Variants in NUP98 observed in about 807,000 individuals in gnomAD.
NUP98 encodes nuclear pore complex protein Nup98-Nup96.
Under a neutral mutation model 191.9 loss-of-function variants are expected in NUP98, and 26 were observed. The observed-to-expected ratio is 0.14, with a 90% CI of 0.10 to 0.19. The LOEUF (loss-of-function observed/expected upper bound fraction) is 0.19, where lower values mean the gene tolerates loss of function less well. NUP98 is among the 10% of genes least tolerant of loss of function. NUP98 has a pLI of 1.00. For synonymous variants in NUP98, 808 were observed against 778.4 expected, an observed-to-expected ratio of 1.04 and a Z score of -0.63; for missense variants, 1,941 against 2,178.8, an observed-to-expected ratio of 0.89 and a Z score of 2.17.
At chr11:3,744,674 A>C (rs2134380362) in intron 11 of NUP98, 25 bp from the exon 12 acceptor site, 4 of 1,587,036 alleles carry the variant, frequency 2.5e-6, no homozygotes, top group South Asian at 1.2e-5. Flanking sequence ...GGAAAGAAAA[A>C]AGCACCACAG....
At chr11:3,688,841 A>T (rs1475912274) in intron 28 of NUP98, among the ~76,000 whole-genome samples, 1 of 137,560 alleles carries the variant, frequency 7.3e-6, no homozygotes, top group Non-Finnish European at 1.6e-5. Flanking sequence ...ATATATATAT[A>T]TTTATAAGAA....
intron 1 of NUP98, among the ~76,000 whole-genome samples, chr11:3,788,464 G>A (rs1489180608): frequency 6.6e-6 from 1 of 152,070 alleles, no homozygotes; most frequent in Non-Finnish European, 1.5e-5. Flanking sequence ...TAGCCTACAT[G>A]CCTGTAATCC....
chr11:3,724,671 T>C (rs1301459808), intron 15 of NUP98, among the ~76,000 whole-genome samples: 1 of 149,870 alleles, frequency 6.7e-6, no homozygotes, highest in East Asian at 2.0e-4. Context: ...CGGGTGCCTG[T>C]ATTCCCAGCT....
At chr11:3,706,132 C>T (rs1372019300) in intron 21 of NUP98, among the ~76,000 whole-genome samples, 1 of 151,918 alleles carries the variant, frequency 6.6e-6, no homozygotes, top group Non-Finnish European at 1.5e-5. Context: ...TCACACCACT[C>T]CACTCCAGCC....
chr11:3,711,282 CT>C (rs1564830758), intron 20 of NUP98, among the ~76,000 whole-genome samples: 1 of 152,074 alleles, frequency 6.6e-6, no homozygotes, highest in Non-Finnish European at 1.5e-5. Context: ...CTTACTACCT[CT>C]TTTTGCTAGA....
intron 12 of NUP98, among the ~76,000 whole-genome samples, chr11:3,735,849 G>A (rs2080034523): frequency 6.6e-6 from 1 of 150,724 alleles, no homozygotes; most frequent in African/African-American, 2.4e-5. Flanking sequence ...GTGTGTGTGT[G>A]CGTGCGTGTA....
intron 13 of NUP98, among the ~76,000 whole-genome samples, chr11:3,733,825 T>C (rs1223979145): frequency 1.3e-5 from 2 of 152,218 alleles, no homozygotes; most frequent in Non-Finnish European, 2.9e-5. Context: ...TGTCACTGGA[T>C]AGCAACCTTA....
chr11:3,704,987 A>G (rs2078816241), intron 22 of NUP98, among the ~76,000 whole-genome samples: 1 of 152,252 alleles, frequency 6.6e-6, no homozygotes, highest in Non-Finnish European at 1.5e-5. Flanking sequence ...CAGTCTGTGC[A>G]ACAGAGAGAG....
rs1164290505 is a variant in NUP98, at chr11:3,693,390, A to G, written c.4168-15T>C. On this transcript the variant is annotated splice_polypyrimidine_tract_variant and intron_variant, in intron 26 of 32. Transcript: ENST00000324932. ...AGCTGCCACACCTGTGCGAAACAAA[A>G]TCATCACCATGGCTATATTCTACCT... 12 of 1,613,754 alleles carry G rather than the reference A, an allele frequency of 7.4e-6. No individual in the cohort carries two copies. The highest frequency in any genetic ancestry group is 9.3e-6 in the Non-Finnish European group (11 of 1,179,728).
chr11:3,720,878 G>C lies in NUP98; in HGVS notation c.2147-53C>G, dbSNP rs1207029048. 4.1e-6 allele frequency: 3 copies of C among 726,330 alleles called. No individual in the cohort carries two copies. In the East Asian group the frequency reaches 8.4e-5, roughly 20 times the overall value. 45.0% of individuals were successfully genotyped at this position (726,330 alleles called of 1,614,324 possible). A position where few individuals can be genotyped will look rare whatever the true frequency, so the allele number is the denominator to read the frequency against. Reference sequence around the variant, plus strand: ...AAAAAAAAATAACCTGAAATAATCAGCAACTAAATCATCATATAAAGAGAA... The same window carrying C: ...AAAAAAAAATAACCTGAAATAATCACCAACTAAATCATCATATAAAGAGAA... On this transcript the variant is annotated intron_variant, in intron 16 of 32. Coordinates refer to ENST00000324932, the MANE Select transcript of NUP98 (RefSeq NM_016320.5).
intron 23 of NUP98, 93 bp downstream of exon 23, chr11:3,702,352 CTCTCTCTCTCTCTCTCTA>C: frequency 4.9e-6 from 3 of 616,878 alleles, no homozygotes; most frequent in East Asian, 3.0e-5. Flanking sequence ...CTCTCTCTCT[CTCTCTCTCTCTCTCTCTA>C]GAAAGATGAC....
chr11:3,785,991 T>G (rs941205834), intron 1 of NUP98, among the ~76,000 whole-genome samples: 2 of 152,122 alleles, frequency 1.3e-5, no homozygotes, highest in South Asian at 2.1e-4. Context: ...AAGATAACAT[T>G]TGAGTTTTTA....
intron 28 of NUP98, among the ~76,000 whole-genome samples, chr11:3,686,709 C>A (rs552264443): frequency 6.6e-6 from 1 of 152,090 alleles, no homozygotes; most frequent in African/African-American, 2.4e-5. Flanking sequence ...TAGAGCAAGG[C>A]GCGGTGGCTC....
intron 10 of NUP98, 65 bp downstream of exon 10, chr11:3,760,473 GC>G (rs2081127582): frequency 1.2e-6 from 2 of 1,612,914 alleles, no homozygotes; most frequent in African/African-American, 2.7e-5. Flanking sequence ...AGCCAAACCT[GC>G]TTTTTATATG....
At position 3,782,167 on chromosome 11, in the gene NUP98, C is replaced by T. The variant is rs1359230097; in HGVS notation, c.-28-22G>A. The T allele has an allele frequency of 1.7e-5, 23 of 1,332,750 alleles. 1 individual carries two copies. Among genetic ancestry groups the T allele is most frequent in the South Asian group, 2.4e-5 (2 of 81,908 alleles). The allele number at this position is 1,332,750 out of a possible 1,614,324, so 82.6% of individuals were successfully genotyped here. On this transcript the variant is annotated intron_variant, in intron 1 of 32. Transcript: ENST00000324932. ...AAAGCTGGGAAAAAGAAAACATTAT[C>T]ACTCTCTTAAAGACCACAAAATGGA...
At chr11:3,792,068 AC>A (rs995042860) in intron 1 of NUP98, among the ~76,000 whole-genome samples, 7 of 147,856 alleles carry the variant, frequency 4.7e-5, no homozygotes, top group African/African-American at 1.7e-4. Context: ...ATTCCCAGCT[AC>A]TCGGGAGGAT....
chr11:3,720,715 T>G lies in NUP98; in HGVS notation c.2257A>C (p.Lys753Gln). 5.8e-6 allele frequency: 9 copies of G among 1,552,800 alleles called. No individual in the cohort carries two copies. Among genetic ancestry groups the G allele is most frequent in the Non-Finnish European group, 8.0e-6 (9 of 1,127,914 alleles). ...TAAGTGCTAAACTCACACTTACCTTTCCGACCAATAGTGAAATCAGAGACA... is the reference window on the plus strand; with the variant it reads ...TAAGTGCTAAACTCACACTTACCTTGCCGACCAATAGTGAAATCAGAGACA... ...CIVSDFTIGRKGYGSIYFEGD... is the reference protein window; with the variant it reads ...CIVSDFTIGRQGYGSIYFEGD... The change falls in exon 17 of 33, where the codon AAA becomes CAA. Residue 753 changes from lysine to glutamine, a missense_variant. By Grantham distance (53) the Lys-to-Gln change is moderately conservative. This residue lies in a region of NUP98 where 453 missense variants were observed against 438.2 expected (regional missense o/e 1.03). Transcript: ENST00000324932.
intron 1 of NUP98, among the ~76,000 whole-genome samples, chr11:3,792,178 CAAAAAAAAAAAAAAA>C (rs61471948): frequency 5.1e-5 from 3 of 58,852 alleles, no homozygotes; most frequent in Non-Finnish European, 6.2e-5. Flanking sequence ...AACTCCATCT[CAAAAAAAAAAAAAAA>C]AAAAAAAAAA....
In NUP98 at chr11:3,779,207, C is replaced by G; in HGVS notation, c.127G>C (p.Gly43Arg). 2 of 1,614,172 alleles carry G rather than the reference C, an allele frequency of 1.2e-6. No individual in the cohort carries two copies. Among genetic ancestry groups the G allele is most frequent in the Non-Finnish European group, 1.7e-6 (2 of 1,180,018 alleles). Residue 43 changes from glycine (G) to arginine (R), a missense_variant, in exon 3 of 33, where the codon GGT (glycine) becomes CGT (arginine). Physicochemically the swap from Gly to Arg is moderately radical, Grantham distance 125 (BLOSUM62 -2). This residue lies in a region of NUP98 where 154 missense variants were observed against 182.9 expected (regional missense o/e 0.84). Transcript: ENST00000324932. ...SGGAFGTSAFGSSNNTGGLFG... is the reference protein window; with the variant it reads ...SGGAFGTSAFRSSNNTGGLFG... The stretch of plus-strand genomic sequence containing the variant: ...AGGCCTCCAGTATTGTTGCTAGAAC[C>G]AAATGCAGATGTTCCAAATGCCCCT...
Sources: gnomAD v4.1 joint callset for allele counts (sites outside exome capture counted in the v4.1 genomes callset) on GRCh38, gnomAD v4.1.1 for gene constraint, gnomAD v4.1.1 regional missense constraint, MANE v1.5 for transcripts, NCBI Gene and HGNC (gene_info 2026-07-23, HGNC 2026-07-21) for gene names.